ABCC3: variants seen among roughly 807,000 people sequenced by gnomAD.
The protein encoded by ABCC3 is ATP binding cassette subfamily C member 3.
A neutral mutation model predicts 165.3 loss-of-function variants in ABCC3; 121 were observed. The observed-to-expected ratio is 0.73, with a 90% CI of 0.63 to 0.85. The LOEUF is 0.85. Ranked by LOEUF, ABCC3 falls within the 40% of genes least tolerant of loss-of-function variation. The probability of loss-of-function intolerance (pLI) is 0.00; values close to 1 mark genes in which losing one functional copy is unlikely to be tolerated. For missense variants in ABCC3, 1,869 were observed against 1,964.1 expected, an observed-to-expected ratio of 0.95 and a Z score of 0.92; for synonymous variants, 733 against 810.1, an observed-to-expected ratio of 0.90 and a Z score of 1.62.
chr17:50,656,046 C>G, intron 2 of ABCC3, 38 bp downstream of exon 2: 1 of 1,446,732 alleles, frequency 6.9e-7, no homozygotes. Flanking sequence ...TGGGGCTGGG[C>G]CCTGGGGATT....
chr17:50,647,128 C>T lies in ABCC3; in HGVS notation c.46-8704C>T, dbSNP rs188953865. Among the ~76,000 whole-genome samples, 285 of 152,354 alleles carry T rather than the reference C, an allele frequency of 1.9e-3. 1 individual carries two copies. Among genetic ancestry groups the T allele is most frequent in the South Asian group, 3.3e-3 (16 of 4,826 alleles). On this transcript the variant is annotated intron_variant, in intron 1 of 30. Transcript: ENST00000285238. ...TCCTGACCTCGTGATCTTCCCACCT[C>T]AGCCTCCCAAAGAGCTGGGATTACA...
At position 50,668,469 on chromosome 17, in the gene ABCC3, C is replaced by A; in HGVS notation, c.1822C>A (p.Gln608Lys). The part of the protein sequence containing the change: ...SLKRIQQFLS[Q>K]EELDPQSVER... ...GAAACGGATCCAGCAATTCCTGAGC[C>A]AAGAGGAACTTGACCCCCAGAGTGT... Residue 608 changes from glutamine to lysine, a missense_variant, in exon 14 of 31, where the codon CAA becomes AAA. Physicochemically the swap from Gln to Lys is moderately conservative, Grantham distance 53. Transcript: ENST00000285238. 6.2e-7 allele frequency: 1 copy of A among 1,613,964 alleles called. No individual in the cohort carries two copies. Among genetic ancestry groups the A allele is most frequent in the Non-Finnish European group, 8.5e-7 (1 of 1,179,938 alleles).
rs1010758416 is a variant in ABCC3, at chr17:50,673,227, T to A, written c.2409+89T>A. On this transcript the variant is annotated intron_variant, in intron 18 of 30. Transcript: ENST00000285238. ...AGAGGCTGAGGGGTTTGGATGAGACTTGGAGGTGTGGGGGGCGCAAGAAGT... is the reference window on the plus strand; with the variant it reads ...AGAGGCTGAGGGGTTTGGATGAGACATGGAGGTGTGGGGGGCGCAAGAAGT... The A allele has an allele frequency of 2.0e-6, 3 of 1,527,926 alleles. No homozygotes were observed. In the African/African-American group the frequency reaches 4.1e-5, roughly 21 times the overall value. The allele number at this position is 1,527,926 out of a possible 1,614,324, so 94.6% of individuals were successfully genotyped here. A position where few individuals can be genotyped will look rare whatever the true frequency, so the allele number is the denominator to read the frequency against.
At chr17:50,643,396 CTACTGAA>C (rs944063772) in intron 1 of ABCC3, among the ~76,000 whole-genome samples, 4 of 152,238 alleles carry the variant, frequency 2.6e-5, no homozygotes, top group African/African-American at 9.6e-5. Flanking sequence ...CTGAATAGGA[CTACTGAA>C]TACTGAATAC....
At chr17:50,652,042 G>T (rs1478646623) in intron 1 of ABCC3, among the ~76,000 whole-genome samples, 5 of 152,202 alleles carry the variant, frequency 3.3e-5, no homozygotes, top group African/African-American at 1.2e-4. Flanking sequence ...CAAGTCAGAT[G>T]AGCTGCAAAA....
chr17:50,682,154 C>T (rs768021214), intron 26 of ABCC3, among the ~76,000 whole-genome samples: 1 of 152,090 alleles, frequency 6.6e-6, no homozygotes, highest in African/African-American at 2.4e-5. Flanking sequence ...AGCGTCCCCA[C>T]TCCCGGAAGA....
At position 50,673,113 on chromosome 17, in the gene ABCC3, G is replaced by A. The variant is rs377343451; in HGVS notation, c.2384G>A (p.Gly795Glu). The A allele has an allele frequency of 1.2e-6, 2 of 1,613,930 alleles. No homozygotes were observed. The highest frequency in any genetic ancestry group is 2.7e-5 in the African/African-American group (2 of 74,932). Residue 795 changes from glycine to glutamate, a missense_variant, in exon 18 of 31, where the codon GGG becomes GAG. By Grantham distance (98) the Gly-to-Glu change is moderately conservative. Coordinates refer to ENST00000285238, the MANE Select transcript of ABCC3 (RefSeq NM_003786.4). ...VAKHIFDHVI[G>E]PEGVLAGKTR... ...AAGCACATCTTTGACCACGTCATCG[G>A]GCCAGAAGGCGTGCTGGCAGGCAAG...
At chr17:50,660,191 C>T (rs1050248975) in intron 7 of ABCC3, among the ~76,000 whole-genome samples, 1 of 152,162 alleles carries the variant, frequency 6.6e-6, no homozygotes, top group African/African-American at 2.4e-5. Flanking sequence ...AATTCTGCCT[C>T]CTCCTGTCTG....
chr17:50,669,037 G>A (rs1474075825), intron 15 of ABCC3, 103 bp from the exon 16 acceptor site: 144 of 1,593,590 alleles, frequency 9.0e-5, no homozygotes, highest in Non-Finnish European at 1.2e-4. Flanking sequence ...GCCTGCCAGG[G>A]GGGTGTCTGG....
In ABCC3 at chr17:50,667,777, T is replaced by A; in HGVS notation, c.1635+20T>A. 1 of 1,614,058 alleles carries A rather than the reference T, an allele frequency of 6.2e-7. No homozygotes were observed. The highest frequency in any genetic ancestry group is 1.1e-5 in the South Asian group (1 of 91,066). On this transcript the variant is annotated intron_variant, in intron 12 of 30. Transcript: ENST00000285238. Reference sequence around the variant, plus strand: ...TTCCTGGTGAGGCTTGGCACAGGGCTGGGTCCCTGCCTCCAGGGCTCTGGG... The same window carrying A: ...TTCCTGGTGAGGCTTGGCACAGGGCAGGGTCCCTGCCTCCAGGGCTCTGGG...
chr17:50,669,399 T>A lies in ABCC3; in HGVS notation c.2112T>A (p.Thr704=). 1 of 1,614,232 alleles carries A rather than the reference T, an allele frequency of 6.2e-7. No homozygotes were observed. The highest frequency in any genetic ancestry group is 1.1e-5 in the South Asian group (1 of 91,090). ...AGCAGGCATGGATCCAGAACTGCAC[T>A]CTTCAGGAAAACGTGCTTTTCGGCA... ...VPQQAWIQNC[T]LQENVLFGKA... The change falls in exon 17 of 31, where the codon ACT becomes ACA. Residue 704 remains threonine, a synonymous_variant. Coordinates refer to ENST00000285238, the MANE Select transcript of ABCC3 (RefSeq NM_003786.4).
rs1462288357 is a variant in ABCC3 at position 50,664,044 on chromosome 17, C to T, written c.1271C>T (p.Ala424Val). The T allele has an allele frequency of 6.2e-7, 1 of 1,614,186 alleles. No individual in the cohort carries two copies. The highest frequency in any genetic ancestry group is 8.5e-7 in the Non-Finnish European group (1 of 1,180,032). The change falls in exon 10 of 31, where the codon GCC becomes GTC. Residue 424 changes from alanine (A) to valine (V), a missense_variant. Physicochemically the swap from Ala to Val is moderately conservative, Grantham distance 64. Transcript: ENST00000285238. ...GATGCCCAGCGCTTCATGGACCTTGCCCCCTTCCTCAATCTGCTGTGGTCA... is the reference window on the plus strand; with the variant it reads ...GATGCCCAGCGCTTCATGGACCTTGTCCCCTTCCTCAATCTGCTGTGGTCA... ...SVDAQRFMDL[A>V]PFLNLLWSAP...
chr17:50,674,865 T>A (rs1158141097), intron 19 of ABCC3, among the ~76,000 whole-genome samples: 1 of 150,838 alleles, frequency 6.6e-6, no homozygotes, highest in African/African-American at 2.5e-5. Context: ...AACGGTGCGA[T>A]CTTGGCTCAC....
At position 50,673,145 on chromosome 17, in the gene ABCC3, C is replaced by A; in HGVS notation, c.2409+7C>A. On this transcript the variant is annotated splice_region_variant and intron_variant, in intron 18 of 30. Coordinates refer to ENST00000285238, the MANE Select transcript of ABCC3 (RefSeq NM_003786.4). ...AGGCGTGCTGGCAGGCAAGGTGAGGCCTGCCAGAGGCTAAGGGGGCTAAGG... is the reference window on the plus strand; with the variant it reads ...AGGCGTGCTGGCAGGCAAGGTGAGGACTGCCAGAGGCTAAGGGGGCTAAGG... The A allele has an allele frequency of 6.2e-7, 1 of 1,613,432 alleles. No homozygotes were observed. Among genetic ancestry groups the A allele is most frequent in the South Asian group, 1.1e-5 (1 of 91,070 alleles).
intron 10 of ABCC3, chr17:50,664,377 G>T: frequency 2.1e-6 from 1 of 476,672 alleles, no homozygotes; most frequent in East Asian, 4.0e-5. Flanking sequence ...AAAGAAGGAG[G>T]GTTATTCTGG....
At chr17:50,660,569 C>T (rs144896266) in intron 7 of ABCC3, among the ~76,000 whole-genome samples, 431 of 152,314 alleles carry the variant, frequency 2.8e-3, no homozygotes, top group African/African-American at 0.01. Context: ...TCCACCCCCT[C>T]CCTGTTCAGC....
intron 1 of ABCC3, among the ~76,000 whole-genome samples, chr17:50,650,853 G>A (rs189193674): frequency 7.9e-5 from 12 of 151,918 alleles, no homozygotes; most frequent in Non-Finnish European, 1.5e-5. Context: ...TCACTTGAGG[G>A]CAGAAGTTCA....
At chr17:50,668,573 C>T in intron 14 of ABCC3, 56 bp downstream of exon 14, 7 of 1,400,954 alleles carry the variant, frequency 5.0e-6, no homozygotes, top group Non-Finnish European at 7.0e-6. Context: ...AGAAAAACCT[C>T]TGTTTCAAGC....
rs1159888788 is a variant in ABCC3, at chr17:50,668,026, CT to C, written c.1782+18del. ...CTGACTCAGGTAACCCTGGGTAGGG[CT>C]GGGGGCTCTACTGGAGTTGGAACAG... On this transcript the variant is annotated intron_variant, in intron 13 of 30. Coordinates refer to ENST00000285238, the MANE Select transcript of ABCC3 (RefSeq NM_003786.4). The C allele has an allele frequency of 6.2e-7, 1 of 1,608,030 alleles. No homozygotes were observed. Among genetic ancestry groups the C allele is most frequent in the Non-Finnish European group, 8.5e-7 (1 of 1,174,944 alleles).
Sources: gnomAD v4.1 joint callset for allele counts (sites outside exome capture counted in the v4.1 genomes callset) on GRCh38, gnomAD v4.1.1 for gene constraint, MANE v1.5 for transcripts, NCBI Gene and HGNC (gene_info 2026-07-23, HGNC 2026-07-21) for gene names.